Variants in TFDP2 observed in about 807,000 individuals in gnomAD.
The protein encoded by TFDP2 is transcription factor Dp-2 (E2F dimerization partner 2).
Under a neutral mutation model 59.3 loss-of-function variants are expected in TFDP2, and 17 were observed. That is an observed-to-expected ratio of 0.29 (90% CI 0.20 to 0.43). TFDP2 has a LOEUF of 0.43. TFDP2 is among the 20% of genes least tolerant of loss of function. The pLI is 1.00. For missense variants in TFDP2, 391 were observed against 528.8 expected (o/e 0.74, Z 2.56); for synonymous variants, 180 against 194.7 (o/e 0.92, Z 0.63).
At chr3:142,104,500 A>T (rs1357276740) in intron 1 of TFDP2, among the ~76,000 whole-genome samples, 1 of 152,140 alleles carries the variant, frequency 6.6e-6, no homozygotes, top group Non-Finnish European at 1.5e-5. Flanking sequence ...GGGAAGCAAA[A>T]ATTTCAGAGA....
chr3:142,021,529 C>A (rs1945605052), intron 3 of TFDP2, among the ~76,000 whole-genome samples: 1 of 152,170 alleles, frequency 6.6e-6, no homozygotes, highest in Admixed American at 6.5e-5. Flanking sequence ...ATATGTCAGT[C>A]TTTCCTACAT....
chr3:141,984,778 C>T (rs1440465921), intron 6 of TFDP2, among the ~76,000 whole-genome samples: 2 of 152,076 alleles, frequency 1.3e-5, no homozygotes, highest in Non-Finnish European at 2.9e-5. Context: ...GCTTTATTAG[C>T]CAGTGTATTT....
intron 3 of TFDP2, among the ~76,000 whole-genome samples, chr3:142,044,749 TTCTC>T (rs1947242124): frequency 6.6e-6 from 1 of 152,216 alleles, no homozygotes. Context: ...TCCTTATTTC[TTCTC>T]TCTCTAGGTC....
rs1266360907 is a variant in TFDP2 at position 141,945,062 on chromosome 3, A to G, written c.*7451T>C. 6.6e-6 allele frequency: 1 copy of G among 152,252 alleles called. No individual in the cohort carries two copies. Among genetic ancestry groups the G allele is most frequent in the Admixed American group, 6.5e-5 (1 of 15,290 alleles). 9.4% of individuals were successfully genotyped at this position (152,252 alleles called of 1,614,324 possible). On this transcript the variant is annotated 3_prime_UTR_variant, in exon 13 of 13. Transcript: ENST00000489671. ...TTCTGGAAATAAAACCCAATAGCACATAGTCAGAGTAAAGCATTTTCAGAT... is the reference window on the plus strand; with the variant it reads ...TTCTGGAAATAAAACCCAATAGCACGTAGTCAGAGTAAAGCATTTTCAGAT...
At chr3:142,014,650 A>C (rs1018493275) in intron 3 of TFDP2, among the ~76,000 whole-genome samples, 12 of 151,990 alleles carry the variant, frequency 7.9e-5, no homozygotes, top group African/African-American at 2.9e-4. Context: ...CTGTCACCTC[A>C]ACTGGCCCTT....
intron 1 of TFDP2, among the ~76,000 whole-genome samples, chr3:142,106,976 C>A (rs1199914922): frequency 2.6e-5 from 4 of 151,972 alleles, no homozygotes; most frequent in Admixed American, 2.0e-4. Context: ...TCTAACACTG[C>A]CAAAAAAGCT....
chr3:142,085,524 T>A (rs2060785197), intron 3 of TFDP2, among the ~76,000 whole-genome samples: 1 of 152,174 alleles, frequency 6.6e-6, no homozygotes, highest in Non-Finnish European at 1.5e-5. Context: ...ATTGTTTTAA[T>A]CTTGTGTATT....
intron 3 of TFDP2, among the ~76,000 whole-genome samples, chr3:142,087,902 C>G (rs974441736): frequency 6.6e-6 from 1 of 152,202 alleles, no homozygotes; most frequent in Non-Finnish European, 1.5e-5. Flanking sequence ...TGTGTAGTCA[C>G]CTCCTCTGCT....
At chr3:142,053,180 T>C (rs545982776) in intron 3 of TFDP2, among the ~76,000 whole-genome samples, 2 of 152,258 alleles carry the variant, frequency 1.3e-5, no homozygotes, top group African/African-American at 4.8e-5. Flanking sequence ...TTAAGTGATA[T>C]AGTTTAGATG....
intron 3 of TFDP2, among the ~76,000 whole-genome samples, chr3:142,073,117 C>G (rs1469885389): frequency 6.6e-6 from 1 of 152,216 alleles, no homozygotes; most frequent in African/African-American, 2.4e-5. Flanking sequence ...GTCACCCAGG[C>G]TGGAGTGCAG....
chr3:141,998,899 T>C (rs1021530840), intron 4 of TFDP2, among the ~76,000 whole-genome samples: 1 of 152,200 alleles, frequency 6.6e-6, no homozygotes, highest in Non-Finnish European at 1.5e-5. Context: ...CAAGACAGCA[T>C]ATGTATTCTA....
rs527447693 is a variant in TFDP2 at position 142,001,530 on chromosome 3, C to T, written c.186+3911G>A. Among the ~76,000 whole-genome samples, 7 of 152,234 alleles carry T rather than the reference C, an allele frequency of 4.6e-5. No homozygotes were observed. The South Asian group carries it at 1.4e-3, about 32-fold the overall frequency. On this transcript the variant is annotated intron_variant, in intron 4 of 12. Transcript: ENST00000489671. Reference sequence around the variant, plus strand: ...TCTTCCATTGTTTTGATGAACAACACCAAGCTTCCACCCATGCACGCTAAT... The same window carrying T: ...TCTTCCATTGTTTTGATGAACAACATCAAGCTTCCACCCATGCACGCTAAT...
At chr3:142,133,845 T>C (rs2062607920) in intron 1 of TFDP2, among the ~76,000 whole-genome samples, 1 of 150,008 alleles carries the variant, frequency 6.7e-6, no homozygotes, top group South Asian at 2.1e-4. Context: ...TGGTTTTACC[T>C]CTGGCTTAGT....
chr3:141,970,225 A>G (rs1051073126), intron 8 of TFDP2, 84 bp from the exon 9 acceptor site: 2 of 1,330,552 alleles, frequency 1.5e-6, no homozygotes, highest in Admixed American at 3.5e-5. Flanking sequence ...TTCTGAGATA[A>G]CAATTTTCCC....
intron 3 of TFDP2, among the ~76,000 whole-genome samples, chr3:142,071,053 A>G (rs185497275): frequency 6.6e-6 from 1 of 152,346 alleles, no homozygotes; most frequent in East Asian, 1.9e-4. Context: ...GAAAGGCTAA[A>G]TAAGACAGAG....
At chr3:141,959,573 C>T in intron 11 of TFDP2, 101 bp downstream of exon 11, 1 of 1,294,488 alleles carries the variant, frequency 7.7e-7, no homozygotes, top group Non-Finnish European at 1.1e-6. Context: ...GACACAAGCA[C>T]AGATGTTCTA....
intron 2 of TFDP2, among the ~76,000 whole-genome samples, chr3:142,095,396 TCTA>T (rs1320036245): frequency 6.6e-6 from 1 of 152,252 alleles, no homozygotes; most frequent in Non-Finnish European, 1.5e-5. Context: ...ATTCAAATGC[TCTA>T]CTAATAGCTG....
intron 6 of TFDP2, among the ~76,000 whole-genome samples, chr3:141,987,225 G>A (rs1056649114): frequency 7.9e-5 from 12 of 151,950 alleles, no homozygotes; most frequent in Non-Finnish European, 1.6e-4. Flanking sequence ...CAAGTTGAAA[G>A]CTTTTTATTC....
chr3:141,984,531 T>C (rs1420356336), intron 6 of TFDP2, among the ~76,000 whole-genome samples: 2 of 152,266 alleles, frequency 1.3e-5, no homozygotes, highest in African/African-American at 2.4e-5. Flanking sequence ...ATTCCACTTA[T>C]ATGAAATCAA....
Sources: allele counts gnomAD v4.1 joint callset (sites outside exome capture counted in the v4.1 genomes callset), GRCh38; gene constraint gnomAD v4.1.1; transcripts MANE v1.5; gene names NCBI Gene and HGNC (gene_info 2026-07-23, HGNC 2026-07-21).